TEKT3: variants seen among roughly 807,000 people sequenced by gnomAD.
The protein encoded by TEKT3 is tektin-3.
A neutral mutation model predicts 49.8 loss-of-function variants in TEKT3; 49 were observed. The observed-to-expected ratio is 0.98, with a 90% CI of 0.78 to 1.25. The LOEUF is 1.25. Ranked by LOEUF, TEKT3 falls within the 50% of genes most tolerant of loss-of-function variation. TEKT3 has a pLI of 0.00. For synonymous variants in TEKT3, 225 were observed against 237.2 expected (o/e 0.95, Z 0.47); for missense variants, 595 against 629.5 (o/e 0.95, Z 0.59).
intron 8 of TEKT3, among the ~76,000 whole-genome samples, chr17:15,305,283 A>G (rs1264149092): frequency 6.6e-6 from 1 of 152,206 alleles, no homozygotes; most frequent in African/African-American, 2.4e-5. Flanking sequence ...AGGCTGATTG[A>G]AGCAACAACA....
chr17:15,334,517 G>C (rs1475256745), intron 2 of TEKT3, among the ~76,000 whole-genome samples: 2 of 152,186 alleles, frequency 1.3e-5, no homozygotes, highest in Admixed American at 1.3e-4. Flanking sequence ...ATCTGCTCCA[G>C]GGGTGATATC....
At chr17:15,312,778 T>A (rs1210925377) in intron 6 of TEKT3, among the ~76,000 whole-genome samples, 1 of 152,162 alleles carries the variant, frequency 6.6e-6, no homozygotes, top group Non-Finnish European at 1.5e-5. Context: ...GTGTCACACA[T>A]CACATCAATA....
chr17:15,334,284 G>A (rs1034259998), intron 2 of TEKT3, among the ~76,000 whole-genome samples: 1 of 151,742 alleles, frequency 6.6e-6, no homozygotes, highest in East Asian at 1.9e-4. Context: ...TCAAACTCCT[G>A]GCCACAAGTG....
intron 4 of TEKT3, 61 bp from the exon 5 acceptor site, chr17:15,319,208 A>T: frequency 2.2e-6 from 3 of 1,337,670 alleles, no homozygotes; most frequent in Non-Finnish European, 3.0e-6. Flanking sequence ...ACTCAAAATC[A>T]ACAATGTAAC....
upstream of TEKT3, chr17:15,341,672 G>A (rs893616644): frequency 6.6e-6 from 1 of 152,314 alleles, no homozygotes; most frequent in African/African-American, 2.4e-5. Flanking sequence ...GCCACTCAGC[G>A]GCCGCCCCGG....
At chr17:15,317,450 T>C (rs150313677) in intron 5 of TEKT3, among the ~76,000 whole-genome samples, 2 of 152,252 alleles carry the variant, frequency 1.3e-5, no homozygotes, top group Non-Finnish European at 2.9e-5. Context: ...AGAAACCACG[T>C]ACAGTCATCC....
Position 15,304,986 on chromosome 17 carries a change from T to C in TEKT3, c.1257-834A>G, listed in dbSNP as rs1304650628. 2.0e-5 allele frequency among the ~76,000 whole-genome samples: 3 copies of C among 152,202 alleles called. No individual in the cohort carries two copies. The highest frequency in any genetic ancestry group is 7.2e-5 in the African/African-American group (3 of 41,438). ...GTCTTGTGATTGTCTGCTTGCAACATCTGCTGTCCTTGCCCAGGGCTACAT... is the reference window on the plus strand; with the variant it reads ...GTCTTGTGATTGTCTGCTTGCAACACCTGCTGTCCTTGCCCAGGGCTACAT... On this transcript the variant is annotated intron_variant, in intron 8 of 8. Coordinates refer to ENST00000395930, the MANE Select transcript of TEKT3 (RefSeq NM_031898.3). The surrounding 1 kb of genome is among the most constrained non-coding windows in gnomAD (Gnocchi z 4.7).
In TEKT3 at chr17:15,331,472, G is replaced by T; in HGVS notation, c.114C>A (p.Pro38=). The T allele has an allele frequency of 6.2e-7, 1 of 1,614,086 alleles. No homozygotes were observed. Among genetic ancestry groups the T allele is most frequent in the Non-Finnish European group, 8.5e-7 (1 of 1,180,028 alleles). Residue 38 remains proline, a synonymous_variant, in exon 3 of 9, where the codon CCC becomes CCA. Transcript: ENST00000395930. ...TMASSYRDRF[P]HSNLTHSLSL... is the part of the protein sequence containing the mutation. ...TCAGGCTATGGGTCAAATTGGAGTG[G>T]GGAAAGCGGTCCCTGTAGCTTGAGG... is the stretch of plus-strand genomic sequence containing the variant.
At chr17:15,328,183 C>T in intron 3 of TEKT3, 108 bp from the exon 4 acceptor site, 1 of 868,036 alleles carries the variant, frequency 1.2e-6, no homozygotes, top group Non-Finnish European at 1.9e-6. Context: ...CCAATACCAA[C>T]TTTTCCAGCC....
chr17:15,310,433 G>T (rs1910721643), intron 7 of TEKT3, among the ~76,000 whole-genome samples: 1 of 152,160 alleles, frequency 6.6e-6, no homozygotes, highest in Non-Finnish European at 1.5e-5. Flanking sequence ...TAAGTTAAAT[G>T]AGGTCTTTAG....
In TEKT3 at chr17:15,304,306, A is replaced by G. The variant is rs529560179; in HGVS notation, c.1257-154T>C. ...GAGGTGCATGAAATTAATAAAATAT[A>G]AAGAAATATAAAGAGAATGGTGACA... On this transcript the variant is annotated intron_variant, in intron 8 of 8. Transcript: ENST00000395930. The surrounding 1 kb of genome is among the most constrained non-coding windows in gnomAD (Gnocchi z 4.7). Among the ~76,000 whole-genome samples the G allele has an allele frequency of 3.3e-5, 5 of 152,340 alleles. No individual in the cohort carries two copies. The highest frequency in any genetic ancestry group is 6.5e-5 in the Admixed American group (1 of 15,304).
At chr17:15,312,145 G>A (rs1296076502) in intron 7 of TEKT3, 114 bp downstream of exon 7, 5 of 964,954 alleles carry the variant, frequency 5.2e-6, no homozygotes, top group African/African-American at 3.2e-5. Flanking sequence ...TGCTCTGTGT[G>A]GCCAGGCTGT....
chr17:15,316,087 A>G (rs1026421352), intron 5 of TEKT3, among the ~76,000 whole-genome samples: 1 of 152,210 alleles, frequency 6.6e-6, no homozygotes, highest in African/African-American at 2.4e-5. Flanking sequence ...GACAGTATAC[A>G]TGTGCGAAGG....
chr17:15,323,362 C>T (rs1911347251), intron 4 of TEKT3, among the ~76,000 whole-genome samples: 1 of 152,204 alleles, frequency 6.6e-6, no homozygotes, highest in African/African-American at 2.4e-5. Context: ...TTCTGAGCAG[C>T]TGTCTCAGTC....
Position 15,331,016 on chromosome 17 carries a change from G to A in TEKT3, c.570C>T (p.Ala190=). The A allele has an allele frequency of 6.2e-7, 1 of 1,609,452 alleles. No homozygotes were observed. The change falls in exon 3 of 9, where the codon GCC becomes GCT. Residue 190 remains alanine, a synonymous_variant. Coordinates refer to ENST00000395930, the MANE Select transcript of TEKT3 (RefSeq NM_031898.3). ...RLERALMETE[A]PLQVARECLF... ...TATCATAAGGTCTTACCTGAAGAGG[G>A]GCTTCAGTCTCCATCAAAGCCCGCT...
chr17:15,310,263 G>A (rs983319146), intron 7 of TEKT3, among the ~76,000 whole-genome samples: 6 of 152,168 alleles, frequency 3.9e-5, no homozygotes, highest in Non-Finnish European at 5.9e-5. Flanking sequence ...TCTCTAAGAC[G>A]TGAGATGTAT....
chr17:15,337,473 G>A (rs538059811), intron 2 of TEKT3, among the ~76,000 whole-genome samples: 23 of 152,248 alleles, frequency 1.5e-4, no homozygotes, highest in South Asian at 2.1e-4. Context: ...ATTAGAAATC[G>A]TTTTTAAATA....
At chr17:15,313,200 C>A (rs968790255) in intron 6 of TEKT3, among the ~76,000 whole-genome samples, 6 of 152,100 alleles carry the variant, frequency 3.9e-5, no homozygotes, top group African/African-American at 1.4e-4. Context: ...AATCCATATA[C>A]CAGGCAAATT....
intron 3 of TEKT3, among the ~76,000 whole-genome samples, chr17:15,329,376 A>G (rs2150749062): frequency 1.3e-5 from 2 of 152,366 alleles, no homozygotes; most frequent in South Asian, 4.1e-4. Flanking sequence ...AAAAAATTCA[A>G]ATTAGAACCA....
Sources: allele counts gnomAD v4.1 joint callset (sites outside exome capture counted in the v4.1 genomes callset), GRCh38; gene constraint gnomAD v4.1.1; non-coding constraint Gnocchi (gnomAD v3.1); transcripts MANE v1.5; gene names NCBI Gene and HGNC (gene_info 2026-07-23, HGNC 2026-07-21).